Variants in DAW1 observed in about 807,000 individuals in gnomAD.
DAW1 encodes the protein dynein assembly factor with WD repeat domains 1.
DAW1 carries 47 observed loss-of-function variants against 56.5 expected under a neutral mutation model. The ratio of observed to expected loss-of-function variants is 0.83; its 90% CI spans 0.66 to 1.06. The LOEUF (loss-of-function observed/expected upper bound fraction) is 1.06, where lower values mean the gene tolerates loss of function less well. DAW1 is among the 50% of genes least tolerant of loss of function. The probability of loss-of-function intolerance (pLI) is 0.00; values close to 1 mark genes in which losing one functional copy is unlikely to be tolerated. For synonymous variants in DAW1, 190 were observed against 179.0 expected (o/e 1.06, Z -0.49); for missense variants, 505 against 499.3 (o/e 1.01, Z -0.11).
intron 11 of DAW1, among the ~76,000 whole-genome samples, chr2:227,921,041 C>T (rs765849387): frequency 1.3e-5 from 2 of 152,092 alleles, no homozygotes; most frequent in African/African-American, 2.4e-5. Context: ...GATCCTGACT[C>T]GTGTGTTCAT....
chr2:227,894,780 A>G (rs987875726), intron 5 of DAW1, among the ~76,000 whole-genome samples: 1 of 152,194 alleles, frequency 6.6e-6, no homozygotes, highest in Non-Finnish European at 1.5e-5. Flanking sequence ...GCTGATTCCC[A>G]TGGCACCCTG....
At chr2:227,879,757 A>G (rs1281450059) in intron 1 of DAW1, among the ~76,000 whole-genome samples, 1 of 152,106 alleles carries the variant, frequency 6.6e-6, no homozygotes, top group Non-Finnish European at 1.5e-5. Context: ...CCAACTGATT[A>G]TTACATCATT....
At chr2:227,907,079 A>T in intron 9 of DAW1, 59 bp from the exon 10 acceptor site, 4 of 1,296,080 alleles carry the variant, frequency 3.1e-6, no homozygotes, top group Non-Finnish European at 4.3e-6. Flanking sequence ...GGCCATCTTC[A>T]CACTTCAGAC....
chr2:227,921,092 G>A (rs1692095688), intron 11 of DAW1, among the ~76,000 whole-genome samples: 2 of 152,124 alleles, frequency 1.3e-5, no homozygotes, highest in Admixed American at 6.5e-5. Flanking sequence ...GAAGGGCATC[G>A]TGCATCTTTG....
chr2:227,915,814 C>T (rs570039912), intron 10 of DAW1, among the ~76,000 whole-genome samples: 2 of 152,232 alleles, frequency 1.3e-5, no homozygotes, highest in African/African-American at 2.4e-5. Flanking sequence ...TATAATGCTA[C>T]ACTGTATCTA....
rs1027016180 is a variant in DAW1 at position 227,905,036 on chromosome 2, G to T, written c.755+1G>T. ...TAGTGTGGGACGCTGATACTGGAAG[G>T]TAATTCTTAGTTCTTAAGAATTGTT... On this transcript the variant is annotated splice_donor_variant, in intron 8 of 12. Coordinates refer to ENST00000309931, the MANE Select transcript of DAW1 (RefSeq NM_178821.3). LOFTEE classifies it high-confidence loss of function. 6.2e-7 allele frequency: 1 copy of T among 1,610,594 alleles called. No homozygotes were observed. The highest frequency in any genetic ancestry group is 8.5e-7 in the Non-Finnish European group (1 of 1,178,042).
At chr2:227,872,472 C>T (rs373229760) in intron 1 of DAW1, 2 of 152,024 alleles carry the variant, frequency 1.3e-5, no homozygotes, top group South Asian at 2.1e-4. Context: ...GGTTGAATAT[C>T]TCACTTTTCC....
intron 1 of DAW1, among the ~76,000 whole-genome samples, chr2:227,875,802 A>G (rs1251633010): frequency 3.3e-5 from 5 of 152,184 alleles, no homozygotes; most frequent in South Asian, 2.1e-4. Flanking sequence ...AGAATAAAAG[A>G]TTGACGAAGG....
At chr2:227,923,884 A>G (rs1692164497) in intron 12 of DAW1, 50 bp from the exon 13 acceptor site, 17 of 1,601,360 alleles carry the variant, frequency 1.1e-5, no homozygotes, top group Non-Finnish European at 1.4e-5. Context: ...AGAGAGAATG[A>G]GGTGAATGAA....
intron 1 of DAW1, among the ~76,000 whole-genome samples, chr2:227,883,790 G>C (rs1340232794): frequency 6.6e-6 from 1 of 151,688 alleles, no homozygotes; most frequent in Non-Finnish European, 1.5e-5. Flanking sequence ...TCTTTTTAGG[G>C]GCAAGAAAAT....
At chr2:227,872,305 A>G (rs1291838038) in intron 1 of DAW1, 1 of 151,952 alleles carries the variant, frequency 6.6e-6, no homozygotes, top group East Asian at 1.9e-4. Flanking sequence ...AAAAAAAGAA[A>G]AAAATCTGCA....
At chr2:227,910,206 C>T (rs1234104906) in intron 10 of DAW1, among the ~76,000 whole-genome samples, 1 of 151,952 alleles carries the variant, frequency 6.6e-6, no homozygotes, top group East Asian at 1.9e-4. Flanking sequence ...TATTTCAACA[C>T]TTCGGGAGGC....
At chr2:227,898,824 C>T (rs1340019209) in intron 6 of DAW1, among the ~76,000 whole-genome samples, 3 of 152,140 alleles carry the variant, frequency 2.0e-5, no homozygotes, top group Admixed American at 6.6e-5. Flanking sequence ...ACTAAGTAGA[C>T]ACGTAATATG....
At position 227,872,649 on chromosome 2, in the gene DAW1, T is replaced by C. The variant is rs145587623; in HGVS notation, c.40+920T>C. On this transcript the variant is annotated intron_variant, in intron 1 of 12. Coordinates refer to ENST00000309931, the MANE Select transcript of DAW1 (RefSeq NM_178821.3). The stretch of plus-strand genomic sequence containing the variant: ...TGTTTTTTGCCAGAAACCTAGGTGG[T>C]CACTTTTTGTTTCTCTCCTGTGATC... Among the ~76,000 whole-genome samples the C allele has an allele frequency of 4.6e-5, 7 of 152,166 alleles. No individual in the cohort carries two copies. The East Asian group carries it at 1.4e-3, about 29-fold the overall frequency.
intron 10 of DAW1, among the ~76,000 whole-genome samples, chr2:227,915,475 A>G (rs1484293809): frequency 6.6e-6 from 1 of 152,054 alleles, no homozygotes; most frequent in East Asian, 1.9e-4. Flanking sequence ...ATGCTGGAAG[A>G]TGTCTGCATT....
intron 1 of DAW1, among the ~76,000 whole-genome samples, chr2:227,877,806 G>T (rs969392674): frequency 6.6e-6 from 1 of 152,236 alleles, no homozygotes; most frequent in Non-Finnish European, 1.5e-5. Context: ...ATGCTCACTT[G>T]CCCGCCACTC....
intron 2 of DAW1, among the ~76,000 whole-genome samples, chr2:227,886,788 TAAAC>T (rs59160595): frequency 0.19 from 28,958 of 151,684 alleles, 2,924 homozygotes; most frequent in Middle Eastern, 0.29. Context: ...TCTGTCTTTG[TAAAC>T]AAACAAACAA....
At chr2:227,916,471 T>C (rs2106214657) in intron 10 of DAW1, among the ~76,000 whole-genome samples, 1 of 152,244 alleles carries the variant, frequency 6.6e-6, no homozygotes, top group South Asian at 2.1e-4. Context: ...TTCTCTTTGA[T>C]AGTCACGTAT....
At chr2:227,872,706 G>T (rs966583753) in intron 1 of DAW1, among the ~76,000 whole-genome samples, 7 of 11,604 alleles carry the variant, frequency 6.0e-4, no homozygotes, top group African/African-American at 2.5e-3. Context: ...CCCAACCCCC[G>T]GCATTCCGTT....
Sources: allele counts gnomAD v4.1 joint callset (sites outside exome capture counted in the v4.1 genomes callset), GRCh38; gene constraint gnomAD v4.1.1; transcripts MANE v1.5; gene names NCBI Gene and HGNC (gene_info 2026-07-23, HGNC 2026-07-21).